Variants in PALD1 observed in about 807,000 individuals in gnomAD.
The protein encoded by PALD1 is paladin.
A neutral mutation model predicts 96.0 loss-of-function variants in PALD1; 57 were observed. That is an observed-to-expected ratio of 0.59 (90% CI 0.48 to 0.74). The LOEUF (loss-of-function observed/expected upper bound fraction) is 0.74, where lower values mean the gene tolerates loss of function less well. PALD1 is among the 30% of genes least tolerant of loss of function. PALD1 has a pLI of 0.00. For missense variants in PALD1, 1,063 were observed against 1,143.7 expected (o/e 0.93, Z 1.02); for synonymous variants, 464 against 473.6 (o/e 0.98, Z 0.26).
At chr10:70,517,212 A>G (rs948296547) in intron 1 of PALD1, among the ~76,000 whole-genome samples, 2 of 152,208 alleles carry the variant, frequency 1.3e-5, no homozygotes, top group Non-Finnish European at 2.9e-5. Context: ...CAGCTGATGA[A>G]TGACGGAGCT....
chr10:70,533,867 C>G lies in PALD1; in HGVS notation c.871-55C>G. On this transcript the variant is annotated intron_variant, in intron 7 of 19. Coordinates refer to ENST00000263563, the MANE Select transcript of PALD1 (RefSeq NM_014431.3). Reference sequence around the variant, plus strand: ...GTCATGCTTTTCTCCCTGCTCAGGCCTCAGCCCAGGGTTTCCTGGTCTCAC... The same window carrying G: ...GTCATGCTTTTCTCCCTGCTCAGGCGTCAGCCCAGGGTTTCCTGGTCTCAC... 3.4e-6 allele frequency: 5 copies of G among 1,472,202 alleles called. No homozygotes were observed. The South Asian group carries it at 7.0e-5, about 21-fold the overall frequency. The allele number at this position is 1,472,202 out of a possible 1,614,324, so 91.2% of individuals were successfully genotyped here. A position where few individuals can be genotyped will look rare whatever the true frequency, so the allele number is the denominator to read the frequency against.
upstream of PALD1, among the ~76,000 whole-genome samples, chr10:70,475,443 G>A (rs1435439891): frequency 1.3e-5 from 2 of 152,152 alleles, no homozygotes; most frequent in Admixed American, 1.3e-4. Flanking sequence ...CACCCTGAAG[G>A]GTGCACATGA....
intron 1 of PALD1, among the ~76,000 whole-genome samples, chr10:70,515,618 G>C (rs949958222): frequency 3.3e-5 from 5 of 152,204 alleles, no homozygotes; most frequent in Non-Finnish European, 7.3e-5. Context: ...ATGAGGTCAG[G>C]GCAGATGAGG....
intron 1 of PALD1, among the ~76,000 whole-genome samples, chr10:70,513,713 G>A (rs763209480): frequency 3.9e-5 from 6 of 152,168 alleles, no homozygotes; most frequent in Admixed American, 2.0e-4. Context: ...TATTTATCCA[G>A]CATATACTCC....
intron 1 of PALD1, among the ~76,000 whole-genome samples, chr10:70,519,573 CTTTT>C (rs1192092171): frequency 9.0e-5 from 12 of 133,672 alleles, no homozygotes; most frequent in Non-Finnish European, 1.3e-4. Context: ...TTCTTTCTTT[CTTTT>C]TTTTTTTTTT....
the PALD1 span, among the ~76,000 whole-genome samples, chr10:70,471,260 C>T: frequency 7.9e-5 from 12 of 152,204 alleles, no homozygotes; most frequent in Non-Finnish European, 1.2e-4. Flanking sequence ...CACTCAGCCT[C>T]GATAGTATTA....
chr10:70,525,092 C>G (rs981756875), intron 1 of PALD1, among the ~76,000 whole-genome samples: 1 of 152,118 alleles, frequency 6.6e-6, no homozygotes, highest in Non-Finnish European at 1.5e-5. Flanking sequence ...ACCTTTACTT[C>G]CCGGGTTCAA....
intron 1 of PALD1, among the ~76,000 whole-genome samples, chr10:70,508,092 T>C (rs1846429542): frequency 6.6e-6 from 1 of 152,122 alleles, no homozygotes; most frequent in African/African-American, 2.4e-5. Context: ...GGGGGGCTGG[T>C]GTGTGGCCCT....
intron 1 of PALD1, among the ~76,000 whole-genome samples, chr10:70,488,181 G>A (rs1431454762): frequency 6.6e-6 from 1 of 151,430 alleles, no homozygotes; most frequent in Non-Finnish European, 1.5e-5. Flanking sequence ...CAGTGAAGTG[G>A]CTCAGGGTCG....
At chr10:70,519,715 C>T (rs2132337149) in intron 1 of PALD1, among the ~76,000 whole-genome samples, 1 of 152,064 alleles carries the variant, frequency 6.6e-6, no homozygotes, top group South Asian at 2.1e-4. Flanking sequence ...GCTGGGATTA[C>T]AGGTGTGTGC....
At chr10:70,500,004 T>A (rs543880136) in intron 1 of PALD1, among the ~76,000 whole-genome samples, 1 of 152,292 alleles carries the variant, frequency 6.6e-6, no homozygotes, top group South Asian at 2.1e-4. Flanking sequence ...TTAGTCCTCA[T>A]GGCCTCAGAG....
chr10:70,506,502 C>T (rs1041630472), intron 1 of PALD1, among the ~76,000 whole-genome samples: 3 of 152,178 alleles, frequency 2.0e-5, no homozygotes, highest in African/African-American at 7.2e-5. Context: ...GTGCCTGGCA[C>T]GCTCTTGGAG....
intron 10 of PALD1, among the ~76,000 whole-genome samples, chr10:70,535,387 T>A (rs1353571502): frequency 2.5e-4 from 31 of 122,324 alleles, no homozygotes; most frequent in African/African-American, 9.1e-4. Flanking sequence ...CTCCTTCTCC[T>A]CCCCCCTCTT....
chr10:70,532,559 G>T (rs936157015), intron 5 of PALD1, 62 bp from the exon 6 acceptor site: 3 of 1,549,524 alleles, frequency 1.9e-6, no homozygotes, highest in South Asian at 1.2e-5. Flanking sequence ...GCTCAGCCAG[G>T]ACACTCAGGG....
intron 4 of PALD1, among the ~76,000 whole-genome samples, chr10:70,530,372 A>G (rs1846967977): frequency 6.6e-6 from 1 of 152,212 alleles, no homozygotes; most frequent in African/African-American, 2.4e-5. Flanking sequence ...GAGCCAGCTC[A>G]TAATTTGACA....
chr10:70,553,602 A>G (rs1847526901), intron 18 of PALD1, among the ~76,000 whole-genome samples: 2 of 152,190 alleles, frequency 1.3e-5, no homozygotes, highest in Non-Finnish European at 2.9e-5. Context: ...TGTGTGTGAT[A>G]AAGGGTGTTC....
chr10:70,482,968 T>A (rs1845959435), intron 1 of PALD1, among the ~76,000 whole-genome samples: 1 of 152,192 alleles, frequency 6.6e-6, no homozygotes, highest in Non-Finnish European at 1.5e-5. Context: ...GGGACCAGCG[T>A]GGCATCTTGA....
In PALD1 at chr10:70,513,496, T is replaced by G. The variant is rs1846559228; in HGVS notation, c.-29-12427T>G. On this transcript the variant is annotated intron_variant, in intron 1 of 19. Coordinates refer to ENST00000263563, the MANE Select transcript of PALD1 (RefSeq NM_014431.3). The stretch of plus-strand genomic sequence containing the variant: ...CTGCCCTCCAGCCTGGGCGACACAG[T>G]GAGAATCCATCTCAAAAGATCAAAA... Among the ~76,000 whole-genome samples, 4 of 152,092 alleles carry G rather than the reference T, an allele frequency of 2.6e-5. No homozygotes were observed. In the South Asian group the frequency reaches 8.3e-4, roughly 32 times the overall value.
intron 1 of PALD1, among the ~76,000 whole-genome samples, chr10:70,489,648 C>T (rs1846069545): frequency 6.6e-6 from 1 of 152,136 alleles, no homozygotes; most frequent in African/African-American, 2.4e-5. Flanking sequence ...GTGGGTAATA[C>T]GTGGACTTCC....
Sources: gnomAD v4.1 joint callset for allele counts (sites outside exome capture counted in the v4.1 genomes callset) on GRCh38, gnomAD v4.1.1 for gene constraint, MANE v1.5 for transcripts, NCBI Gene and HGNC (gene_info 2026-07-23, HGNC 2026-07-21) for gene names.